FGF12: variants seen among roughly 807,000 people sequenced by gnomAD.
The protein encoded by FGF12 is fibroblast growth factor 12B.
Under a neutral mutation model 23.6 loss-of-function variants are expected in FGF12, and 14 were observed. The ratio of observed to expected loss-of-function variants is 0.59; its 90% CI spans 0.39 to 0.93. FGF12 has a LOEUF of 0.93. Ranked by LOEUF, FGF12 falls within the 40% of genes least tolerant of loss-of-function variation. The pLI is 0.00. For synonymous variants in FGF12, 62 were observed against 77.3 expected (o/e 0.80, Z 1.04); for missense variants, 175 against 217.8 (o/e 0.80, Z 1.24).
chr3:192,595,001 G>C (rs936079684), intron 2 of FGF12, among the ~76,000 whole-genome samples: 1 of 147,952 alleles, frequency 6.8e-6, no homozygotes, highest in African/African-American at 2.4e-5. Flanking sequence ...ATGCCAACTT[G>C]TAGAAGATTG....
chr3:192,387,377 T>C (rs1361066167), intron 2 of FGF12, among the ~76,000 whole-genome samples: 3 of 152,160 alleles, frequency 2.0e-5, no homozygotes, highest in Admixed American at 1.3e-4. Context: ...AGTTATAGAA[T>C]AGACATCCAA....
chr3:192,168,321 T>G (rs1715342921), intron 5 of FGF12, among the ~76,000 whole-genome samples: 1 of 152,174 alleles, frequency 6.6e-6, no homozygotes, highest in East Asian at 1.9e-4. Context: ...TGTGAAAATA[T>G]TACTTACTTC....
At chr3:192,463,113 A>C (rs892799619) in intron 2 of FGF12, among the ~76,000 whole-genome samples, 1 of 152,156 alleles carries the variant, frequency 6.6e-6, no homozygotes, top group African/African-American at 2.4e-5. Flanking sequence ...TTGTTACTTT[A>C]GGGTGATAGA....
intron 4 of FGF12, among the ~76,000 whole-genome samples, chr3:192,305,695 T>TATATATATAAAA (rs1299668639): frequency 6.9e-6 from 1 of 144,784 alleles, no homozygotes; most frequent in African/African-American, 2.5e-5. Flanking sequence ...TATATATATA[T>TATATATATAAAA]AAATATATAT....
At chr3:192,327,409 G>A (rs1716873733) in intron 4 of FGF12, among the ~76,000 whole-genome samples, 1 of 138,130 alleles carries the variant, frequency 7.2e-6, no homozygotes, top group South Asian at 2.6e-4. Context: ...TTAAGGCCCT[G>A]TTTAAACAAA....
intron 2 of FGF12, among the ~76,000 whole-genome samples, chr3:192,675,157 G>A (rs1039613845): frequency 1.3e-5 from 2 of 152,314 alleles, no homozygotes; most frequent in East Asian, 1.9e-4. Context: ...ACTAAAGCCT[G>A]TAGATGGCCT....
intron 5 of FGF12, among the ~76,000 whole-genome samples, chr3:192,144,949 A>G (rs548401442): frequency 5.6e-4 from 86 of 152,372 alleles, no homozygotes; most frequent in Admixed American, 5.6e-3. Context: ...AGTATATGAT[A>G]TGTCTCAGGT....
chr3:192,725,387 A>G (rs943678728), intron 2 of FGF12, among the ~76,000 whole-genome samples: 1 of 151,894 alleles, frequency 6.6e-6, no homozygotes, highest in Admixed American at 6.6e-5. Context: ...GCTGTGATTC[A>G]CTATATCATT....
intron 4 of FGF12, among the ~76,000 whole-genome samples, chr3:192,201,303 TG>T (rs142445819): frequency 6.6e-6 from 1 of 152,106 alleles, no homozygotes; most frequent in Non-Finnish European, 1.5e-5. Context: ...ATTATATGTG[TG>T]GGGGAATGGA....
intron 2 of FGF12, among the ~76,000 whole-genome samples, chr3:192,379,199 T>G (rs1719707167): frequency 6.6e-6 from 1 of 152,194 alleles, no homozygotes; most frequent in African/African-American, 2.4e-5. Flanking sequence ...TATTGTGAAT[T>G]GCAAAAGCAG....
Position 192,612,105 on chromosome 3 carries a change from A to G in FGF12, c.13+115076T>C, listed in dbSNP as rs1333193012. Reference sequence around the variant, plus strand: ...ATATACCCATTTATCTTAGCCATGTAGAATTGCAACCAAGGCCAGTTCTTG... The same window carrying G: ...ATATACCCATTTATCTTAGCCATGTGGAATTGCAACCAAGGCCAGTTCTTG... On this transcript the variant is annotated intron_variant, in intron 2 of 5. Coordinates refer to ENST00000445105, the MANE Select transcript of FGF12 (RefSeq NM_004113.6). 5.9e-5 allele frequency among the ~76,000 whole-genome samples: 9 copies of G among 152,090 alleles called. 1 individual carries two copies. In the East Asian group the frequency reaches 1.5e-3, roughly 26 times the overall value.
At position 192,186,461 on chromosome 3, in the gene FGF12, C is replaced by A. The variant is rs74706075; in HGVS notation, c.229-15805G>T. Among the ~76,000 whole-genome samples, 501 of 152,262 alleles carry A rather than the reference C, an allele frequency of 3.3e-3. 8 individuals are homozygous for A. Among genetic ancestry groups the A allele is most frequent in the East Asian group, 0.031 (161 of 5,186 alleles). ...TATATGTGGTTGTGCACATAGTAAG[C>A]CTACTAGAAAGAAGGCTATCTACTT... On this transcript the variant is annotated intron_variant, in intron 4 of 5. Coordinates refer to ENST00000445105, the MANE Select transcript of FGF12 (RefSeq NM_004113.6).
At chr3:192,234,795 T>A (rs892718538) in intron 4 of FGF12, among the ~76,000 whole-genome samples, 1 of 152,202 alleles carries the variant, frequency 6.6e-6, no homozygotes, top group Non-Finnish European at 1.5e-5. Flanking sequence ...TCTATTGAGA[T>A]GATCATGTAA....
chr3:192,458,819 G>A (rs577721163), intron 2 of FGF12, among the ~76,000 whole-genome samples: 243 of 152,204 alleles, frequency 1.6e-3, no homozygotes, highest in African/African-American at 5.6e-3. Flanking sequence ...ATATGGTTTC[G>A]CTGTGTCCCC....
At chr3:192,534,022 A>G (rs1725163994) in intron 2 of FGF12, 1 of 168,460 alleles carries the variant, frequency 5.9e-6, no homozygotes, top group Admixed American at 5.5e-5. Flanking sequence ...CAGATGGGTA[A>G]TGTGCCGATG....
intron 5 of FGF12, among the ~76,000 whole-genome samples, chr3:192,158,387 C>T (rs866885409): frequency 5.6e-5 from 4 of 71,792 alleles, no homozygotes; most frequent in East Asian, 8.5e-4. Context: ...TCTTTCTTTT[C>T]TTTCTCTCTC....
intron 2 of FGF12, among the ~76,000 whole-genome samples, chr3:192,646,854 C>A (rs1284044459): frequency 1.3e-5 from 2 of 152,016 alleles, no homozygotes; most frequent in Non-Finnish European, 2.9e-5. Context: ...AATGGGTAAA[C>A]TTTACGGTAT....
At chr3:192,555,746 C>T (rs1485139722) in intron 2 of FGF12, among the ~76,000 whole-genome samples, 2 of 150,256 alleles carry the variant, frequency 1.3e-5, no homozygotes, top group African/African-American at 2.5e-5. Context: ...TGCAGCGAGC[C>T]GAGATCATGC....
chr3:192,354,888 T>A (rs545996690), intron 3 of FGF12, among the ~76,000 whole-genome samples: 6 of 152,190 alleles, frequency 3.9e-5, no homozygotes, highest in Non-Finnish European at 8.8e-5. Context: ...CTTGTATTTT[T>A]AGTAGAGACG....
Sources: allele counts gnomAD v4.1 joint callset (sites outside exome capture counted in the v4.1 genomes callset), GRCh38; gene constraint gnomAD v4.1.1; transcripts MANE v1.5; gene names NCBI Gene and HGNC (gene_info 2026-07-23, HGNC 2026-07-21).